MYO6: variants seen among roughly 807,000 people sequenced by gnomAD.
MYO6 encodes myosin VI.
In MYO6, 74 loss-of-function variants were observed where a neutral mutation model predicts 178.7. The observed-to-expected ratio is 0.41, with a 90% CI of 0.34 to 0.50. The LOEUF (loss-of-function observed/expected upper bound fraction) is 0.50. Ranked by LOEUF, MYO6 falls within the 20% of genes least tolerant of loss-of-function variation. The probability of loss-of-function intolerance (pLI) is 0.09; values close to 1 mark genes in which losing one functional copy is unlikely to be tolerated. For synonymous variants in MYO6, 477 were observed against 504.6 expected (o/e 0.95, Z 0.73); for missense variants, 1,330 against 1,547.4 (o/e 0.86, Z 2.36).
intron 2 of MYO6, among the ~76,000 whole-genome samples, chr6:75,817,955 G>A (rs992921390): frequency 6.6e-6 from 1 of 152,120 alleles, no homozygotes; most frequent in African/African-American, 2.4e-5. Context: ...AGAACTAGCT[G>A]TATGATAAAA....
At position 75,915,024 on chromosome 6, in the gene MYO6, C is replaced by T. The variant is rs12606; in HGVS notation, c.*12C>T. The T allele has an allele frequency of 0.3, 483,912 of 1,605,022 alleles. 78,954 individuals carry two copies. Among genetic ancestry groups the T allele is most frequent in the Middle Eastern group, 0.38 (1,866 of 4,858 alleles). The stretch of plus-strand genomic sequence containing the variant: ...GTCTGTTAAAGTAGATGTTGCACAC[C>T]AGCCTTACAGCTGGGAGCCTTTGCC... On this transcript the variant is annotated 3_prime_UTR_variant, in exon 35 of 35. Transcript: ENST00000369977.
chr6:75,763,364 G>A (rs1778121038), intron 1 of MYO6, among the ~76,000 whole-genome samples: 1 of 152,092 alleles, frequency 6.6e-6, no homozygotes, highest in Non-Finnish European at 1.5e-5. Flanking sequence ...TATTTAAAGG[G>A]TCCCAGTGAT....
chr6:75,764,922 C>T (rs887473587), intron 1 of MYO6, among the ~76,000 whole-genome samples: 1 of 151,362 alleles, frequency 6.6e-6, no homozygotes, highest in African/African-American at 2.4e-5. Flanking sequence ...TGGCGTGAAT[C>T]CAGGAGGTGG....
At chr6:75,855,382 CAA>C in intron 12 of MYO6, 99 bp downstream of exon 12, 1 of 1,203,248 alleles carries the variant, frequency 8.3e-7, no homozygotes, top group East Asian at 2.5e-5. Context: ...CTTGGTAGAT[CAA>C]AATTCTCTAC....
chr6:75,785,276 T>C (rs1767421005), intron 1 of MYO6, among the ~76,000 whole-genome samples: 1 of 152,162 alleles, frequency 6.6e-6, no homozygotes, highest in Non-Finnish European at 1.5e-5. Flanking sequence ...AGTAGCAAGC[T>C]TTCTCCTATT....
chr6:75,884,691 GAGATGAAATCA>G (rs1400739898), intron 23 of MYO6, among the ~76,000 whole-genome samples: 3 of 152,168 alleles, frequency 2.0e-5, no homozygotes, highest in Non-Finnish European at 4.4e-5. Context: ...GCTTGGGTTG[GAGATGAAATCA>G]TAGGGGGTCA....
At chr6:75,773,088 G>A (rs1057094915) in intron 1 of MYO6, among the ~76,000 whole-genome samples, 5 of 152,088 alleles carry the variant, frequency 3.3e-5, no homozygotes, top group African/African-American at 1.2e-4. Context: ...AATATAGTTG[G>A]TGCAAATACT....
chr6:75,773,623 C>A (rs555887358), intron 1 of MYO6, among the ~76,000 whole-genome samples: 5 of 152,280 alleles, frequency 3.3e-5, no homozygotes, highest in Admixed American at 3.3e-4. Context: ...ACAGTCCCAC[C>A]ATCATCAAGC....
intron 19 of MYO6, among the ~76,000 whole-genome samples, chr6:75,871,897 C>T (rs1161056469): frequency 1.3e-5 from 2 of 152,018 alleles, no homozygotes; most frequent in Admixed American, 6.6e-5. Flanking sequence ...AAGGCTGAGG[C>T]AGGTGGATCA....
At chr6:75,893,587 G>C (rs776534089) in intron 28 of MYO6, among the ~76,000 whole-genome samples, 6 of 152,148 alleles carry the variant, frequency 3.9e-5, no homozygotes, top group Admixed American at 2.0e-4. Flanking sequence ...GACGGGGAAG[G>C]AAAAGGGCAT....
chr6:75,829,293 T>C (rs780467189), intron 4 of MYO6, among the ~76,000 whole-genome samples: 20 of 152,164 alleles, frequency 1.3e-4, no homozygotes, highest in Non-Finnish European at 2.5e-4. Flanking sequence ...TCTTTGGGCA[T>C]GCATGAGACT....
At chr6:75,849,444 T>A (rs973921404) in intron 11 of MYO6, among the ~76,000 whole-genome samples, 2 of 152,212 alleles carry the variant, frequency 1.3e-5, no homozygotes, top group Non-Finnish European at 1.5e-5. Flanking sequence ...AGAGGCTCTC[T>A]GAGCTTTGGT....
chr6:75,879,848 G>A lies in MYO6; in HGVS notation c.2106G>A (p.Gln702=), dbSNP rs767270019. 1.2e-6 allele frequency: 2 copies of A among 1,614,058 alleles called. No individual in the cohort carries two copies. The highest frequency in any genetic ancestry group is 1.1e-5 in the South Asian group (1 of 91,078). ...TGGTGTCTGTTTTGGACTTGATGCAGGGTGGTTACCCATCACGAGCTTCAT... is the reference window on the plus strand; with the variant it reads ...TGGTGTCTGTTTTGGACTTGATGCAAGGTGGTTACCCATCACGAGCTTCAT... ...SGMVSVLDLM[Q]GGYPSRASFH... Residue 702 remains glutamine (Q), a synonymous_variant, in exon 21 of 35, where the codon CAG becomes CAA. Coordinates refer to ENST00000369977, the MANE Select transcript of MYO6 (RefSeq NM_004999.4).
At chr6:75,865,793 A>C (rs970119063) in intron 16 of MYO6, among the ~76,000 whole-genome samples, 3 of 152,196 alleles carry the variant, frequency 2.0e-5, no homozygotes, top group Non-Finnish European at 4.4e-5. Context: ...AAAATGATTT[A>C]GTTTTCTTGA....
intron 5 of MYO6, among the ~76,000 whole-genome samples, chr6:75,832,431 C>T (rs1773193524): frequency 6.6e-6 from 1 of 151,874 alleles, no homozygotes; most frequent in Non-Finnish European, 1.5e-5. Flanking sequence ...TTTTTTCCAG[C>T]TGAATTTTTG....
In MYO6 at chr6:75,890,145, A is replaced by G; in HGVS notation, c.2747A>G (p.Lys916Arg). The G allele has an allele frequency of 1.2e-6, 2 of 1,614,032 alleles. No homozygotes were observed. Among genetic ancestry groups the G allele is most frequent in the Non-Finnish European group, 1.7e-6 (2 of 1,179,934 alleles). ...GAACTCCTCAGTGCATTACAGAAAA[A>G]AAAACAGCAGGAAGAGGAAGCAGAA... ...SEELLSALQK[K>R]KQQEEEAERL... is the part of the protein sequence containing the mutation. Residue 916 changes from lysine to arginine, a missense_variant, in exon 26 of 35, where the codon AAA (lysine) becomes AGA (arginine). Physicochemically the swap from Lys to Arg is conservative, Grantham distance 26. Transcript: ENST00000369977.
intron 1 of MYO6, among the ~76,000 whole-genome samples, chr6:75,781,701 C>T (rs974478186): frequency 3.9e-5 from 6 of 151,930 alleles, no homozygotes; most frequent in Non-Finnish European, 5.9e-5. Flanking sequence ...GCAGGTGGAT[C>T]ACGAGGTCAG....
chr6:75,757,328 TATATAC>T (rs891777937), intron 1 of MYO6, among the ~76,000 whole-genome samples: 5 of 148,762 alleles, frequency 3.4e-5, no homozygotes, highest in African/African-American at 7.4e-5. Flanking sequence ...ATATAGAACA[TATATAC>T]ATATACATAT....
intron 20 of MYO6, among the ~76,000 whole-genome samples, chr6:75,873,944 C>T (rs1328976882): frequency 6.6e-6 from 1 of 152,162 alleles, no homozygotes; most frequent in Non-Finnish European, 1.5e-5. Context: ...CCTTGCCCAT[C>T]CTCCCTTCTC....
Sources: allele counts gnomAD v4.1 joint callset (sites outside exome capture counted in the v4.1 genomes callset), GRCh38; gene constraint gnomAD v4.1.1; transcripts MANE v1.5; gene names NCBI Gene and HGNC (gene_info 2026-07-23, HGNC 2026-07-21).